The following TMEM44 variants were observed in gnomAD, a reference collection of about 807,000 sequenced individuals.
TMEM44 encodes transmembrane protein 44.
TMEM44 carries 43 observed loss-of-function variants against 47.8 expected under a neutral mutation model. The observed-to-expected ratio is 0.90, with a 90% CI of 0.70 to 1.16. The LOEUF is 1.16. Ranked by LOEUF, TMEM44 falls within the 50% of genes most tolerant of loss-of-function variation. The probability of loss-of-function intolerance (pLI) is 0.00; values close to 1 mark genes in which losing one functional copy is unlikely to be tolerated. For synonymous variants in TMEM44, 277 were observed against 238.8 expected (o/e 1.16, Z -1.48); for missense variants, 568 against 555.2 (o/e 1.02, Z -0.23).
chr3:194,598,964 AC>A (rs1713747229), intron 9 of TMEM44, among the ~76,000 whole-genome samples: 1 of 152,198 alleles, frequency 6.6e-6, no homozygotes, highest in South Asian at 2.1e-4. Context: ...TTGGTGAGTA[AC>A]AGACAGACAA....
At chr3:194,620,067 G>A (rs1360731158) in intron 5 of TMEM44, among the ~76,000 whole-genome samples, 5 of 152,082 alleles carry the variant, frequency 3.3e-5, no homozygotes, top group Admixed American at 3.3e-4. Flanking sequence ...GAGGCGGGTG[G>A]ATCACCGAAT....
chr3:194,614,193 T>C (rs569220149), intron 7 of TMEM44, among the ~76,000 whole-genome samples: 22 of 152,252 alleles, frequency 1.4e-4, no homozygotes, highest in African/African-American at 4.8e-4. Context: ...AGTAGTTACA[T>C]TGCAGTGACC....
rs80335324 is a variant in TMEM44, at chr3:194,608,781, G to C, written c.1017+2135C>G. Reference sequence around the variant, plus strand: ...TGGTCTCGAACTCCTGGCCTCAAGCGATACTCCTACCTCAGGTTCCCAAAG... The same window carrying C: ...TGGTCTCGAACTCCTGGCCTCAAGCCATACTCCTACCTCAGGTTCCCAAAG... On this transcript the variant is annotated intron_variant, in intron 8 of 9. Coordinates refer to ENST00000347147, the MANE Select transcript of TMEM44 (RefSeq NM_001011655.3). Among the ~76,000 whole-genome samples, 234 of 152,316 alleles carry C rather than the reference G, an allele frequency of 1.5e-3. 1 individual carries two copies. The highest frequency in any genetic ancestry group is 5.3e-3 in the African/African-American group (222 of 41,564).
chr3:194,625,420 CCTT>C (rs1435296754), intron 3 of TMEM44, among the ~76,000 whole-genome samples: 7 of 117,666 alleles, frequency 5.9e-5, no homozygotes, highest in Non-Finnish European at 1.2e-4. Context: ...GAGACACTCT[CCTT>C]CTTTTTTGGG....
intron 7 of TMEM44, among the ~76,000 whole-genome samples, chr3:194,613,899 G>C (rs1715600308): frequency 6.6e-6 from 1 of 151,480 alleles, no homozygotes; most frequent in Non-Finnish European, 1.5e-5. Context: ...GAGGTGGGCG[G>C]ATCATCTGAG....
rs200109302 is a variant in TMEM44 at position 194,628,501 on chromosome 3, T to C, written c.146A>G (p.Tyr49Cys). 10 of 1,612,522 alleles carry C rather than the reference T, an allele frequency of 6.2e-6. No homozygotes were observed. The highest frequency in any genetic ancestry group is 1.6e-4 in the Middle Eastern group (1 of 6,076). ...TCTGGGTTTCTGTGCACATCTCAGA[T>C]AGAGAAGCCTGGGGTGACAGGGGTG... ...CWIAAHALLLYLRCAQKPRQD... is the reference protein window; with the variant it reads ...CWIAAHALLLCLRCAQKPRQD... Residue 49 changes from tyrosine to cysteine, a missense_variant, in exon 2 of 10, where the codon TAT (tyrosine) becomes TGT (cysteine). Transcript: ENST00000347147.
chr3:194,628,452 A>G lies in TMEM44; in HGVS notation c.195T>C (p.Ala65=). 1 of 1,613,642 alleles carries G rather than the reference A, an allele frequency of 6.2e-7. No homozygotes were observed. The highest frequency in any genetic ancestry group is 1.1e-5 in the South Asian group (1 of 90,934). The part of the protein sequence containing the change: ...KPRQDQSALC[A]ACCLLTSLCD... ...ACAGACTGGTCAGGAGGCAGCACGC[A>G]GCACACAGTGCCGACTGGTCCTGTC... The change falls in exon 2 of 10, where the codon GCT becomes GCC. Residue 65 remains alanine (A), a synonymous_variant. Coordinates refer to ENST00000347147, the MANE Select transcript of TMEM44 (RefSeq NM_001011655.3).
rs780585897 is a variant in TMEM44 at position 194,610,870 on chromosome 3, G to A, written c.1017+46C>T. ...CTCCTCCAGGAAGCCTTCCATGACT[G>A]CTTCCCATCCTCTCAGACACCTGGC... On this transcript the variant is annotated intron_variant, in intron 8 of 9. Coordinates refer to ENST00000347147, the MANE Select transcript of TMEM44 (RefSeq NM_001011655.3). 11 of 1,552,664 alleles carry A rather than the reference G, an allele frequency of 7.1e-6. No homozygotes were observed. In the South Asian group the frequency reaches 1.0e-4, roughly 14 times the overall value.
chr3:194,595,630 T>C (rs140488229), intron 9 of TMEM44, among the ~76,000 whole-genome samples: 2 of 130,808 alleles, frequency 1.5e-5, no homozygotes, highest in Admixed American at 7.9e-5. Context: ...TTCTCTATTT[T>C]TTTTTTTTTT....
intron 9 of TMEM44, among the ~76,000 whole-genome samples, chr3:194,599,379 CAA>C (rs2109159913): frequency 6.6e-6 from 1 of 152,242 alleles, no homozygotes; most frequent in African/African-American, 2.4e-5. Context: ...TTCACCTGCT[CAA>C]AGACACCGCC....
At position 194,626,706 on chromosome 3, in the gene TMEM44, C is replaced by T. The variant is rs1443872293; in HGVS notation, c.265-716G>A. 2.4e-3 allele frequency among the ~76,000 whole-genome samples: 315 copies of T among 130,798 alleles called. 1 individual carries two copies. Among genetic ancestry groups the T allele is most frequent in the African/African-American group, 8.9e-3 (301 of 33,992 alleles). 85.8% of individuals were successfully genotyped at this position (130,798 alleles called of 152,430 possible). A position where few individuals can be genotyped will look rare whatever the true frequency, so the allele number is the denominator to read the frequency against. ...GTTTTTTTTTTTTTTTTTTTTGAGA[C>T]GGAGTCTCGCTCTGTCACCCAGGCT... On this transcript the variant is annotated intron_variant, in intron 2 of 9. Coordinates refer to ENST00000347147, the MANE Select transcript of TMEM44 (RefSeq NM_001011655.3).
rs1020704642 is a variant in TMEM44 at position 194,623,456 on chromosome 3, G to A, written c.525+73C>T. On this transcript the variant is annotated intron_variant, in intron 4 of 9. Coordinates refer to ENST00000347147, the MANE Select transcript of TMEM44 (RefSeq NM_001011655.3). ...GGCTTAACCCCACTCCCCTAGCCCC[G>A]GCCTCATCCCACCCTGGGCATTTGG... 62 of 1,517,272 alleles carry A rather than the reference G, an allele frequency of 4.1e-5. No homozygotes were observed. In the South Asian group the frequency reaches 4.5e-4, roughly 11 times the overall value. 94.0% of individuals were successfully genotyped at this position (1,517,272 alleles called of 1,614,324 possible).
intron 9 of TMEM44, among the ~76,000 whole-genome samples, chr3:194,598,325 G>A (rs1175693142): frequency 6.6e-6 from 1 of 152,134 alleles, no homozygotes; most frequent in Non-Finnish European, 1.5e-5. Flanking sequence ...AGACACCTGG[G>A]CAGAGGGTCC....
intron 7 of TMEM44, among the ~76,000 whole-genome samples, chr3:194,613,203 A>T (rs1054524016): frequency 6.6e-6 from 1 of 151,918 alleles, no homozygotes; most frequent in Non-Finnish European, 1.5e-5. Context: ...CTTGAGACAG[A>T]TTTTCACTTT....
At chr3:194,605,238 G>A (rs1316522993) in intron 8 of TMEM44, among the ~76,000 whole-genome samples, 1 of 152,122 alleles carries the variant, frequency 6.6e-6, no homozygotes, top group Non-Finnish European at 1.5e-5. Context: ...GGCTCATGGG[G>A]ACTCCTCAGA....
chr3:194,588,688 T>C (rs1465063300), intron 9 of TMEM44, 49 bp from the exon 10 acceptor site: 17 of 1,527,740 alleles, frequency 1.1e-5, no homozygotes, highest in Non-Finnish European at 1.5e-5. Context: ...GATAGATGCT[T>C]CTCATCTGTC....
rs1716035915 is a variant in TMEM44 at position 194,617,445 on chromosome 3, C to T, written c.613-176G>A. The stretch of plus-strand genomic sequence containing the variant: ...GTTGCTTCTTCTGCCTGTCAAACTC[C>T]TACTCATCCCTCAGAACCTGGCTTC... On this transcript the variant is annotated intron_variant, in intron 5 of 9. Coordinates refer to ENST00000347147, the MANE Select transcript of TMEM44 (RefSeq NM_001011655.3). 1.4e-5 allele frequency: 11 copies of T among 768,578 alleles called. No homozygotes were observed. The East Asian group carries it at 3.1e-4, about 22-fold the overall frequency. 47.6% of individuals were successfully genotyped at this position (768,578 alleles called of 1,614,324 possible). A position where few individuals can be genotyped will look rare whatever the true frequency, so the allele number is the denominator to read the frequency against.
intron 6 of TMEM44, 38 bp from the exon 7 acceptor site, chr3:194,615,735 C>A: frequency 1.2e-6 from 2 of 1,609,456 alleles, no homozygotes. Context: ...GCAGAATATT[C>A]CAGCTGCCTA....
At chr3:194,598,695 G>A (rs1361620069) in intron 9 of TMEM44, among the ~76,000 whole-genome samples, 5 of 152,136 alleles carry the variant, frequency 3.3e-5, no homozygotes, top group African/African-American at 9.7e-5. Context: ...GGGTTACCAC[G>A]GCGTGTTGAG....
Sources: gnomAD v4.1 joint callset for allele counts (sites outside exome capture counted in the v4.1 genomes callset) on GRCh38, gnomAD v4.1.1 for gene constraint, MANE v1.5 for transcripts, NCBI Gene and HGNC (gene_info 2026-07-23, HGNC 2026-07-21) for gene names.